Variants in ARRDC5 observed in about 807,000 individuals in gnomAD.
ARRDC5 encodes arrestin domain-containing protein 5.
ARRDC5 carries 12 observed loss-of-function variants against 13.3 expected under a neutral mutation model. The ratio of observed to expected loss-of-function variants is 0.90; its 90% CI spans 0.58 to 1.46. The LOEUF is 1.46. Among genes scored for constraint, ARRDC5 ranks in the 40% most tolerant of loss-of-function variants. The pLI, the probability that ARRDC5 is intolerant of heterozygous loss-of-function variation, is 0.00. For synonymous variants in ARRDC5, 181 were observed against 173.4 expected (o/e 1.04, Z -0.34); for missense variants, 406 against 418.7 (o/e 0.97, Z 0.26).
In ARRDC5 at chr19:4,902,742, G is replaced by A. The variant is rs2779168; in HGVS notation, c.84C>T (p.Ile28=). 489,885 of 1,613,778 alleles carry A rather than the reference G, an allele frequency of 0.3. 81,298 individuals carry two copies. The highest frequency in any genetic ancestry group is 0.34 in the Non-Finnish European group (406,606 of 1,179,766). ...CCACCAGGGTGCTGTTCAGGGTTAA[G>A]ATCACCTGCCCTTTTATGCTGGAGC... ...LAGSSIKGQV[I]LTLNSTLVDP... is the part of the protein sequence containing the mutation. Residue 28 remains isoleucine (I), a synonymous_variant, in exon 1 of 3, where the codon ATC becomes ATT. Coordinates refer to ENST00000650722, the MANE Select transcript of ARRDC5 (RefSeq NM_001080523.3).
intron 2 of ARRDC5, among the ~76,000 whole-genome samples, chr19:4,893,152 A>ATATATATAATATATTAT (rs1294842454): frequency 2.8e-5 from 4 of 141,458 alleles, no homozygotes; most frequent in Non-Finnish European, 6.0e-5. Flanking sequence ...TATTATTAGA[A>ATATATATAATATATTAT]TATATATAAT....
At position 4,902,668 on chromosome 19, in the gene ARRDC5, C is replaced by A; in HGVS notation, c.158G>T (p.Ser53Ile). 1 of 1,614,020 alleles carries A rather than the reference C, an allele frequency of 6.2e-7. No homozygotes were observed. Among genetic ancestry groups the A allele is most frequent in the Non-Finnish European group, 8.5e-7 (1 of 1,179,896 alleles). Residue 53 changes from serine (S) to isoleucine (I), a missense_variant, in exon 1 of 3, where the codon AGT (serine) becomes ATT (isoleucine). Coordinates refer to ENST00000650722, the MANE Select transcript of ARRDC5 (RefSeq NM_001080523.3). ...ELVGRGYVEWSEEAGASCDYS... is the reference protein window; with the variant it reads ...ELVGRGYVEWIEEAGASCDYS... ...ATCACAGGATGCCCCGGCTTCTTCA[C>A]TCCATTCGACGTAACCCCTTCCCAC...
At chr19:4,899,299 G>A (rs1432428169) in intron 1 of ARRDC5, among the ~76,000 whole-genome samples, 3 of 146,646 alleles carry the variant, frequency 2.0e-5, no homozygotes, top group African/African-American at 7.6e-5. Flanking sequence ...GCGACAGAGT[G>A]AGACTCCATC....
chr19:4,907,175 T>C, upstream of ARRDC5, among the ~76,000 whole-genome samples: 1 of 152,186 alleles, frequency 6.6e-6, no homozygotes, highest in East Asian at 1.9e-4. Context: ...ACTGGCTCGA[T>C]CTTGGCTCAC....
At chr19:4,911,668 T>G in the ARRDC5 span, among the ~76,000 whole-genome samples, 2 of 152,148 alleles carry the variant, frequency 1.3e-5, no homozygotes, top group Admixed American at 1.3e-4. Context: ...CCTCGTTGCA[T>G]TTAAAATGTC....
At chr19:4,907,939 T>C in the ARRDC5 span, among the ~76,000 whole-genome samples, 1 of 151,934 alleles carries the variant, frequency 6.6e-6, no homozygotes. Context: ...CTCGAACTCC[T>C]GACCTCAGGT....
intron 2 of ARRDC5, among the ~76,000 whole-genome samples, chr19:4,895,422 C>CAAAAAAAAA (rs1039157516): frequency 1.7e-4 from 12 of 70,658 alleles, no homozygotes; most frequent in Non-Finnish European, 2.8e-4. Context: ...GACTCCGTCT[C>CAAAAAAAAA]AAAAAAAAAA....
the ARRDC5 span, chr19:4,910,740 A>G: frequency 9.5e-7 from 1 of 1,047,440 alleles, no homozygotes; most frequent in Non-Finnish European, 1.4e-6. Context: ...CTGGCTGTAC[A>G]GGAGGACTGG....
intron 2 of ARRDC5, among the ~76,000 whole-genome samples, chr19:4,893,693 A>G (rs1398015119): frequency 7.3e-6 from 1 of 136,220 alleles, no homozygotes; most frequent in Admixed American, 7.8e-5. Flanking sequence ...GAAGTTCAAG[A>G]CCAGCCTGGG....
upstream of ARRDC5, among the ~76,000 whole-genome samples, chr19:4,906,947 TTC>T (rs2032076076): frequency 6.6e-6 from 1 of 152,118 alleles, no homozygotes; most frequent in African/African-American, 2.4e-5. Context: ...GTGGTGTGGG[TTC>T]TACCTGGCTG....
intron 1 of ARRDC5, among the ~76,000 whole-genome samples, chr19:4,899,016 A>C (rs773007103): frequency 2.4e-4 from 36 of 152,048 alleles, no homozygotes; most frequent in Non-Finnish European, 4.6e-4. Flanking sequence ...TATTAAATAA[A>C]TGAAAAACCT....
At chr19:4,908,505 C>T in the ARRDC5 span, among the ~76,000 whole-genome samples, 1 of 152,084 alleles carries the variant, frequency 6.6e-6, no homozygotes, top group African/African-American at 2.4e-5. Flanking sequence ...CACACCAGCC[C>T]CTTCCTGCTC....
chr19:4,903,871 A>C (rs1434840262), upstream of ARRDC5, among the ~76,000 whole-genome samples: 1 of 152,188 alleles, frequency 6.6e-6, no homozygotes, highest in East Asian at 1.9e-4. Context: ...AAACATAGAG[A>C]TATGGCCAGG....
chr19:4,896,963 T>G, intron 1 of ARRDC5, 87 bp from the exon 2 acceptor site: 2 of 963,508 alleles, frequency 2.1e-6, no homozygotes, highest in Non-Finnish European at 3.1e-6. Flanking sequence ...ATTTTTATAT[T>G]TATTTATTTT....
At chr19:4,897,508 C>T (rs1180342999) in intron 1 of ARRDC5, among the ~76,000 whole-genome samples, 1 of 152,070 alleles carries the variant, frequency 6.6e-6, no homozygotes, top group African/African-American at 2.4e-5. Flanking sequence ...CAGGGTTCAA[C>T]AAATATATCT....
At chr19:4,911,151 C>T in the ARRDC5 span, 8 of 1,016,296 alleles carry the variant, frequency 7.9e-6, no homozygotes, top group Non-Finnish European at 9.7e-6. Flanking sequence ...CTCGTCCGGT[C>T]CCACTTCATC....
In ARRDC5 at chr19:4,902,852, CCT is replaced by C; in HGVS notation, c.-29_-28del. On this transcript the variant is annotated 5_prime_UTR_variant, in exon 1 of 3. Coordinates refer to ENST00000650722, the MANE Select transcript of ARRDC5 (RefSeq NM_001080523.3). ...GGGGGTTGGGGGGTAGAGAGACATT[CCT>C]CTCTGTCCCCCATGTCCCTGAAATT... The C allele has an allele frequency of 6.2e-7, 1 of 1,613,566 alleles. No individual in the cohort carries two copies. The highest frequency in any genetic ancestry group is 8.5e-7 in the Non-Finnish European group (1 of 1,179,748).
intron 1 of ARRDC5, among the ~76,000 whole-genome samples, chr19:4,901,555 A>C (rs1301531924): frequency 6.6e-6 from 1 of 151,504 alleles, no homozygotes; most frequent in African/African-American, 2.4e-5. Context: ...CGGAGCTTGC[A>C]GCGAGCCGAG....
chr19:4,910,258 G>GGC, the ARRDC5 span: 3 of 149,766 alleles, frequency 2.0e-5, no homozygotes, highest in Non-Finnish European at 3.0e-5. Flanking sequence ...TGAGTCGCGG[G>GGC]GCGCGCGCGC....
Sources: gnomAD v4.1 joint callset for allele counts (sites outside exome capture counted in the v4.1 genomes callset) on GRCh38, gnomAD v4.1.1 for gene constraint, MANE v1.5 for transcripts, NCBI Gene and HGNC (gene_info 2026-07-23, HGNC 2026-07-21) for gene names.